Variants in ANKS1B observed in about 807,000 individuals in gnomAD.
ANKS1B encodes the protein ankyrin repeat and sterile alpha motif domain-containing protein 1B.
Under a neutral mutation model 148.3 loss-of-function variants are expected in ANKS1B, and 36 were observed. The observed-to-expected ratio is 0.24, with a 90% confidence interval of 0.19 to 0.32. The LOEUF (loss-of-function observed/expected upper bound fraction) is 0.32. ANKS1B is among the 10% of genes least tolerant of loss of function. The pLI is 1.00. For synonymous variants in ANKS1B, 542 were observed against 560.8 expected, an observed-to-expected ratio of 0.97 and a Z score of 0.47; for missense variants, 1,157 against 1,542.6, an observed-to-expected ratio of 0.75 and a Z score of 4.19.
chr12:99,429,907 T>A (rs2095337143), intron 11 of ANKS1B, among the ~76,000 whole-genome samples: 1 of 152,008 alleles, frequency 6.6e-6, no homozygotes, highest in Non-Finnish European at 1.5e-5. Context: ...AAGCTTGCAG[T>A]GAGCCAAGAT....
intron 1 of ANKS1B, among the ~76,000 whole-genome samples, chr12:99,919,451 A>C (rs933710750): frequency 2.6e-5 from 4 of 152,250 alleles, no homozygotes; most frequent in Admixed American, 2.6e-4. Context: ...TAAACAATAA[A>C]TAATGTAGAA....
intron 1 of ANKS1B, among the ~76,000 whole-genome samples, chr12:99,960,386 A>G (rs934222419): frequency 6.6e-6 from 1 of 152,236 alleles, no homozygotes; most frequent in Non-Finnish European, 1.5e-5. Context: ...AGAAAACCAC[A>G]GCCAAATCAT....
intron 14 of ANKS1B, among the ~76,000 whole-genome samples, chr12:99,160,225 T>G (rs932779080): frequency 6.6e-6 from 1 of 152,190 alleles, no homozygotes; most frequent in Non-Finnish European, 1.5e-5. Flanking sequence ...GCTCTTTAAT[T>G]TAATTAGGTC....
intron 1 of ANKS1B, among the ~76,000 whole-genome samples, chr12:99,933,748 T>C (rs1052316053): frequency 2.0e-5 from 3 of 152,180 alleles, no homozygotes; most frequent in South Asian, 2.1e-4. Context: ...TCTTGTCTGA[T>C]TGCTTAGCTG....
chr12:99,106,518 G>A (rs2059253560), intron 15 of ANKS1B, among the ~76,000 whole-genome samples: 1 of 152,196 alleles, frequency 6.6e-6, no homozygotes, highest in Non-Finnish European at 1.5e-5. Context: ...GAAATAATAT[G>A]TGTGATAAAG....
intron 1 of ANKS1B, among the ~76,000 whole-genome samples, chr12:99,882,459 C>T (rs1216159768): frequency 6.6e-6 from 1 of 152,150 alleles, no homozygotes; most frequent in Non-Finnish European, 1.5e-5. Context: ...CATACCTAGA[C>T]ATATGATAAT....
At chr12:98,826,734 C>G (rs1192015513) in intron 19 of ANKS1B, among the ~76,000 whole-genome samples, 1 of 152,180 alleles carries the variant, frequency 6.6e-6, no homozygotes, top group Non-Finnish European at 1.5e-5. Flanking sequence ...CTACAGTAAG[C>G]TTCTTGGGAG....
intron 9 of ANKS1B, among the ~76,000 whole-genome samples, chr12:99,560,307 C>T (rs369377390): frequency 2.0e-5 from 3 of 151,968 alleles, no homozygotes; most frequent in Non-Finnish European, 4.4e-5. Context: ...GAATACCACA[C>T]GTTACCTCAA....
intron 9 of ANKS1B, among the ~76,000 whole-genome samples, chr12:99,571,803 A>C (rs1448172238): frequency 6.6e-6 from 1 of 152,154 alleles, no homozygotes; most frequent in Non-Finnish European, 1.5e-5. Context: ...TGAAACAAAA[A>C]AGAAGGAAAT....
intron 14 of ANKS1B, among the ~76,000 whole-genome samples, chr12:99,190,291 A>G (rs1275638394): frequency 6.6e-6 from 1 of 152,216 alleles, no homozygotes; most frequent in East Asian, 1.9e-4. Flanking sequence ...ATACAATGCT[A>G]TCCCCATCAA....
chr12:99,618,393 C>T (rs931269335), intron 9 of ANKS1B, among the ~76,000 whole-genome samples: 1 of 152,100 alleles, frequency 6.6e-6, no homozygotes, highest in African/African-American at 2.4e-5. Context: ...TGATTAGAGG[C>T]TTTTAGCACG....
intron 10 of ANKS1B, among the ~76,000 whole-genome samples, chr12:99,502,424 A>C (rs1567224164): frequency 6.6e-6 from 1 of 152,138 alleles, no homozygotes; most frequent in African/African-American, 2.4e-5. Context: ...CTATTCTATT[A>C]TAACATTCTT....
chr12:98,936,452 C>A (rs765373211), intron 17 of ANKS1B, among the ~76,000 whole-genome samples: 9 of 152,024 alleles, frequency 5.9e-5, no homozygotes, highest in Non-Finnish European at 8.8e-5. Flanking sequence ...CATGTTGAAA[C>A]CTCGTCTCTA....
intron 7 of ANKS1B, among the ~76,000 whole-genome samples, chr12:99,775,276 C>T (rs1197895108): frequency 6.6e-6 from 1 of 151,964 alleles, no homozygotes; most frequent in Admixed American, 6.6e-5. Context: ...TTTTTATTTG[C>T]CAAGTATACC....
At chr12:99,640,882 T>C (rs1490551442) in intron 9 of ANKS1B, among the ~76,000 whole-genome samples, 2 of 152,230 alleles carry the variant, frequency 1.3e-5, no homozygotes, top group African/African-American at 2.4e-5. Flanking sequence ...TTACAACTTA[T>C]GGCATTTATT....
chr12:98,842,055 A>C (rs2099409663), intron 17 of ANKS1B, among the ~76,000 whole-genome samples: 1 of 152,202 alleles, frequency 6.6e-6, no homozygotes, highest in African/African-American at 2.4e-5. Context: ...ATAACCCAGC[A>C]AGTTGACTCT....
intron 1 of ANKS1B, among the ~76,000 whole-genome samples, chr12:99,855,396 A>G (rs1254014751): frequency 1.3e-5 from 2 of 152,094 alleles, no homozygotes; most frequent in African/African-American, 4.8e-5. Context: ...AACACTGGAG[A>G]TCCCAAATTT....
intron 15 of ANKS1B, among the ~76,000 whole-genome samples, chr12:99,107,910 A>ATT (rs5800376): frequency 9.2e-5 from 14 of 152,028 alleles, no homozygotes; most frequent in Admixed American, 7.2e-4. Flanking sequence ...TAAAACAAAG[A>ATT]TTTTTTTAAA....
At position 98,843,560 on chromosome 12, in the gene ANKS1B, A is replaced by G. The variant is rs917428038; in HGVS notation, c.2779-11424T>C. Among the ~76,000 whole-genome samples the G allele has an allele frequency of 3.9e-5, 6 of 152,354 alleles. 1 individual carries two copies. Among genetic ancestry groups the G allele is most frequent in the East Asian group, 1.9e-4 (1 of 5,186 alleles). Reference sequence around the variant, plus strand: ...CCAGTCTCAGATGTTCTGTTATAGCAACACAAAACAGACTAGGACAAACAA... The same window carrying G: ...CCAGTCTCAGATGTTCTGTTATAGCGACACAAAACAGACTAGGACAAACAA... On this transcript the variant is annotated intron_variant, in intron 17 of 26. Coordinates refer to ENST00000683438, the MANE Select transcript of ANKS1B (RefSeq NM_001352186.2).
Sources: gnomAD v4.1 joint callset for allele counts (sites outside exome capture counted in the v4.1 genomes callset) on GRCh38, gnomAD v4.1.1 for gene constraint, MANE v1.5 for transcripts, NCBI Gene and HGNC (gene_info 2026-07-23, HGNC 2026-07-21) for gene names.